ST6GALNAC3: variants seen among roughly 807,000 people sequenced by gnomAD.
ST6GALNAC3 encodes the protein ST6 N-acetylgalactosaminide alpha-2,6-sialyltransferase 3, also known as alpha-N-acetylgalactosaminide alpha-2,6-sialyltransferase 3.
In ST6GALNAC3, 25 loss-of-function variants were observed where a neutral mutation model predicts 32.7. The ratio of observed to expected loss-of-function variants is 0.76; its 90% CI spans 0.56 to 1.07. ST6GALNAC3 has a LOEUF of 1.07. ST6GALNAC3 is among the 50% of genes least tolerant of loss of function. The pLI, the probability that ST6GALNAC3 is intolerant of heterozygous loss-of-function variation, is 0.00. For missense variants in ST6GALNAC3, 355 were observed against 382.4 expected, an observed-to-expected ratio of 0.93 and a Z score of 0.60; for synonymous variants, 129 against 133.1, an observed-to-expected ratio of 0.97 and a Z score of 0.21.
chr1:76,475,884 G>A (rs532512298), intron 3 of ST6GALNAC3, among the ~76,000 whole-genome samples: 26 of 152,100 alleles, frequency 1.7e-4, no homozygotes, highest in African/African-American at 5.5e-4. Context: ...GCTGTGTGAT[G>A]TTCCCCTCAC....
intron 1 of ST6GALNAC3, among the ~76,000 whole-genome samples, chr1:76,111,439 TTCA>T (rs1404617721): frequency 4.7e-5 from 4 of 84,666 alleles, no homozygotes; most frequent in African/African-American, 1.5e-4. Context: ...ATTTTTTTTT[TTCA>T]TAATAAAATA....
Position 76,489,612 on chromosome 1 carries a change from A to G in ST6GALNAC3, c.623+77195A>G, listed in dbSNP as rs532603003. ...TTCAGGAAATATGATTTGCAGTTCC[A>G]TGGAATAATCAAAACTCTGAACTTG... On this transcript the variant is annotated intron_variant, in intron 3 of 4. Transcript: ENST00000328299. 2.0e-5 allele frequency among the ~76,000 whole-genome samples: 3 copies of G among 152,282 alleles called. No homozygotes were observed. The South Asian group carries it at 6.2e-4, about 32-fold the overall frequency.
intron 3 of ST6GALNAC3, among the ~76,000 whole-genome samples, chr1:76,461,752 A>G (rs975099922): frequency 6.6e-6 from 1 of 152,172 alleles, no homozygotes; most frequent in Admixed American, 6.5e-5. Flanking sequence ...TATACTCCTG[A>G]TGGTATGCTA....
intron 1 of ST6GALNAC3, among the ~76,000 whole-genome samples, chr1:76,115,627 CTTCT>C (rs1276693990): frequency 6.6e-6 from 1 of 152,018 alleles, no homozygotes; most frequent in African/African-American, 2.4e-5. Context: ...ATGTATTTGG[CTTCT>C]TTGAGTACAG....
chr1:76,236,036 T>C (rs1252181499), intron 1 of ST6GALNAC3, among the ~76,000 whole-genome samples: 1 of 151,964 alleles, frequency 6.6e-6, no homozygotes, highest in Admixed American at 6.6e-5. Context: ...AGTGCAAGGA[T>C]GTGATCTCGG....
At chr1:76,087,016 T>C (rs1024718516) in intron 1 of ST6GALNAC3, among the ~76,000 whole-genome samples, 2 of 152,226 alleles carry the variant, frequency 1.3e-5, no homozygotes, top group Middle Eastern at 3.2e-3. Context: ...TCTCATTCTT[T>C]GGCTGGGAGT....
intron 1 of ST6GALNAC3, among the ~76,000 whole-genome samples, chr1:76,135,988 T>C (rs889511633): frequency 2.6e-5 from 4 of 152,150 alleles, no homozygotes; most frequent in Admixed American, 6.5e-5. Context: ...CTGCTCAGGA[T>C]GGGGCCCTTT....
intron 2 of ST6GALNAC3, among the ~76,000 whole-genome samples, chr1:76,330,513 G>A (rs980012622): frequency 4.6e-5 from 7 of 152,200 alleles, no homozygotes; most frequent in African/African-American, 1.7e-4. Context: ...ATGTCTTCCT[G>A]TGCTAGCTAT....
intron 3 of ST6GALNAC3, among the ~76,000 whole-genome samples, chr1:76,539,960 G>C (rs1346274959): frequency 6.6e-6 from 1 of 152,152 alleles, no homozygotes; most frequent in African/African-American, 2.4e-5. Context: ...ATTCCTCAAG[G>C]ATCTAGAACC....
chr1:76,598,970 C>T (rs1570409154), intron 3 of ST6GALNAC3, among the ~76,000 whole-genome samples: 1 of 152,064 alleles, frequency 6.6e-6, no homozygotes, highest in East Asian at 1.9e-4. Flanking sequence ...AACGATGAAA[C>T]TTAAGAGTAT....
chr1:76,112,787 G>A (rs138893244), intron 1 of ST6GALNAC3, among the ~76,000 whole-genome samples: 14 of 151,428 alleles, frequency 9.2e-5, no homozygotes, highest in Admixed American at 3.3e-4. Flanking sequence ...ATGGGCGGCC[G>A]GGCAGAGATG....
intron 3 of ST6GALNAC3, among the ~76,000 whole-genome samples, chr1:76,622,065 ATGAT>A (rs1367827634): frequency 6.6e-6 from 1 of 152,016 alleles, no homozygotes; most frequent in Non-Finnish European, 1.5e-5. Context: ...GCTTTGATAA[ATGAT>A]TATTATGCTT....
At chr1:76,349,232 C>T (rs949179763) in intron 2 of ST6GALNAC3, among the ~76,000 whole-genome samples, 4 of 152,056 alleles carry the variant, frequency 2.6e-5, no homozygotes, top group African/African-American at 9.7e-5. Flanking sequence ...GGTAGAGTTC[C>T]CTCTTATCAC....
chr1:76,494,649 G>GCGCACACA lies in ST6GALNAC3; in HGVS notation c.623+82233_623+82234insGCACACAC, dbSNP rs142496688. Among the ~76,000 whole-genome samples, 99 of 67,720 alleles carry GCGCACACA rather than the reference G, an allele frequency of 1.5e-3. 1 individual carries two copies. Among genetic ancestry groups the GCGCACACA allele is most frequent in the African/African-American group, 6.1e-3 (94 of 15,472 alleles). 44.4% of individuals were successfully genotyped at this position (67,720 alleles called of 152,430 possible). On this transcript the variant is annotated intron_variant, in intron 3 of 4. Coordinates refer to ENST00000328299, the MANE Select transcript of ST6GALNAC3 (RefSeq NM_152996.4). ...ATAAAAATATATTTCATGTGTATGC[G>GCGCACACA]CACACACACACACACACACACACAC... is the stretch of plus-strand genomic sequence containing the variant.
At chr1:76,130,246 G>A (rs1311489070) in intron 1 of ST6GALNAC3, among the ~76,000 whole-genome samples, 2 of 152,180 alleles carry the variant, frequency 1.3e-5, no homozygotes, top group Admixed American at 6.5e-5. Context: ...GTCTCCTGAC[G>A]AAATGGCTAG....
At chr1:76,183,364 A>G (rs1262141276) in intron 1 of ST6GALNAC3, among the ~76,000 whole-genome samples, 1 of 152,176 alleles carries the variant, frequency 6.6e-6, no homozygotes, top group Non-Finnish European at 1.5e-5. Flanking sequence ...TGATTTGTAT[A>G]CTAAATTTCA....
intron 3 of ST6GALNAC3, among the ~76,000 whole-genome samples, chr1:76,439,778 A>T (rs1019525055): frequency 6.6e-6 from 1 of 152,202 alleles, no homozygotes; most frequent in African/African-American, 2.4e-5. Flanking sequence ...CACACACCAG[A>T]CTGAACAAGT....
At chr1:76,371,909 A>G (rs910250171) in intron 2 of ST6GALNAC3, among the ~76,000 whole-genome samples, 3 of 152,056 alleles carry the variant, frequency 2.0e-5, no homozygotes. Flanking sequence ...TAAGCATCTC[A>G]CTTCCCCTAC....
intron 2 of ST6GALNAC3, among the ~76,000 whole-genome samples, chr1:76,317,565 C>A (rs1402951292): frequency 2.0e-5 from 3 of 151,952 alleles, no homozygotes; most frequent in African/African-American, 7.3e-5. Context: ...AGATCTTGGC[C>A]CTTAAAGTTT....
Sources: gnomAD v4.1 joint callset for allele counts (sites outside exome capture counted in the v4.1 genomes callset) on GRCh38, gnomAD v4.1.1 for gene constraint, MANE v1.5 for transcripts, NCBI Gene and HGNC (gene_info 2026-07-23, HGNC 2026-07-21) for gene names.